Variants in PDE1C observed in about 807,000 individuals in gnomAD.
PDE1C encodes the protein phosphodiesterase 1C.
PDE1C carries 62 observed loss-of-function variants against 93.1 expected under a neutral mutation model. That is an observed-to-expected ratio of 0.67 (90% confidence interval 0.54 to 0.82). The LOEUF is 0.82. Ranked by LOEUF, PDE1C falls within the 40% of genes least tolerant of loss-of-function variation. The probability of loss-of-function intolerance (pLI) is 0.00; values close to 1 mark genes in which losing one functional copy is unlikely to be tolerated. For synonymous variants in PDE1C, 325 were observed against 310.1 expected (o/e 1.05, Z -0.50); for missense variants, 742 against 884.6 (o/e 0.84, Z 2.04).
At chr7:32,396,818 A>G (rs1434200998) in intron 1 of PDE1C, among the ~76,000 whole-genome samples, 1 of 152,214 alleles carries the variant, frequency 6.6e-6, no homozygotes, top group Non-Finnish European at 1.5e-5. Context: ...AACTGCAAAA[A>G]CAGTCCAAAG....
At chr7:32,311,309 G>A (rs215617) in intron 1 of PDE1C, among the ~76,000 whole-genome samples, 75,068 of 152,008 alleles carry the variant, frequency 0.49, 21,775 homozygotes, top group Admixed American at 0.66. Context: ...ATTCACAGCC[G>A]AATTCTACCA....
rs755614762 is a variant in PDE1C at position 31,850,761 on chromosome 7, C to A, written c.751-20G>T. On this transcript the variant is annotated intron_variant, in intron 7 of 17. Coordinates refer to ENST00000396191, the MANE Select transcript of PDE1C (RefSeq NM_001191057.4). Reference sequence around the variant, plus strand: ...CCAGTTCTGAAAGGAGATTACAGAGCAATCAGATAATCTGTTTCTTTCTCA... The same window carrying A: ...CCAGTTCTGAAAGGAGATTACAGAGAAATCAGATAATCTGTTTCTTTCTCA... 1.3e-6 allele frequency: 2 copies of A among 1,527,502 alleles called. No homozygotes were observed. Among genetic ancestry groups the A allele is most frequent in the Non-Finnish European group, 1.8e-6 (2 of 1,101,196 alleles). The allele number at this position is 1,527,502 out of a possible 1,614,324, so 94.6% of individuals were successfully genotyped here. A position where few individuals can be genotyped will look rare whatever the true frequency, so the allele number is the denominator to read the frequency against.
At chr7:32,019,491 T>C (rs1317134322) in intron 2 of PDE1C, among the ~76,000 whole-genome samples, 2 of 152,114 alleles carry the variant, frequency 1.3e-5, no homozygotes, top group South Asian at 2.1e-4. Flanking sequence ...TTGAAAACAA[T>C]GCAGAACCAT....
intron 16 of PDE1C, among the ~76,000 whole-genome samples, chr7:31,776,382 T>TGGGGTTTCTTAGTTTCCC (rs777693314): frequency 8.9e-4 from 135 of 152,304 alleles, no homozygotes; most frequent in Non-Finnish European, 1.5e-3. Context: ...GCTAGTTTAG[T>TGGGGTTTCTTAGTTTCCC]GGGGTTTCTT....
intron 3 of PDE1C, among the ~76,000 whole-genome samples, chr7:32,114,208 C>T (rs1584788744): frequency 6.6e-6 from 1 of 152,128 alleles, no homozygotes; most frequent in Non-Finnish European, 1.5e-5. Flanking sequence ...ATCATGCTAC[C>T]TGACTTCAAA....
intron 2 of PDE1C, among the ~76,000 whole-genome samples, chr7:32,049,455 T>G (rs915559665): frequency 3.0e-4 from 45 of 152,266 alleles, no homozygotes; most frequent in African/African-American, 9.9e-4. Context: ...TGATTTTTAG[T>G]TTCTGTCTAT....
intron 2 of PDE1C, among the ~76,000 whole-genome samples, chr7:32,176,416 C>A (rs192323969): frequency 2.0e-5 from 3 of 152,088 alleles, no homozygotes; most frequent in African/African-American, 7.2e-5. Flanking sequence ...AAATTACCCA[C>A]AAAGGATGAG....
At chr7:32,223,574 C>T (rs1562594963) in intron 1 of PDE1C, among the ~76,000 whole-genome samples, 1 of 152,184 alleles carries the variant, frequency 6.6e-6, no homozygotes, top group Non-Finnish European at 1.5e-5. Context: ...ACTTCTCTGA[C>T]CATCCCGTCT....
chr7:31,865,825 T>G (rs181254454), intron 6 of PDE1C, among the ~76,000 whole-genome samples: 3 of 152,322 alleles, frequency 2.0e-5, no homozygotes, highest in Admixed American at 2.0e-4. Flanking sequence ...TTCAGGCAGT[T>G]TATATTTGTT....
chr7:31,976,232 T>A (rs930949162), intron 2 of PDE1C, among the ~76,000 whole-genome samples: 2 of 152,176 alleles, frequency 1.3e-5, no homozygotes, highest in East Asian at 1.9e-4. Flanking sequence ...CTGTTTGCAA[T>A]CCAATGTGGG....
In PDE1C at chr7:32,420,215, A is replaced by G. The variant is rs371174138; in HGVS notation, c.310+7607T>C. ...TGTGTATATATATACATATATATGT[A>G]TATATACATATATATGTATATATAT... On this transcript the variant is annotated intron_variant, in intron 1 of 1. Transcript: ENST00000672256. Among the ~76,000 whole-genome samples, 16 of 35,232 alleles carry G rather than the reference A, an allele frequency of 4.5e-4. 3 individuals carry two copies. Among genetic ancestry groups the G allele is most frequent in the African/African-American group, 6.5e-4 (8 of 12,294 alleles). 23.1% of individuals were successfully genotyped at this position (35,232 alleles called of 152,430 possible). A position where few individuals can be genotyped will look rare whatever the true frequency, so the allele number is the denominator to read the frequency against.
chr7:31,660,777 C>G, the PDE1C span, among the ~76,000 whole-genome samples: 98 of 152,024 alleles, frequency 6.4e-4, no homozygotes, highest in African/African-American at 2.3e-3. Flanking sequence ...CCAATTAATA[C>G]CACATACCTA....
At chr7:31,691,797 TAA>T in the PDE1C span, among the ~76,000 whole-genome samples, 11,697 of 86,376 alleles carry the variant, frequency 0.14, 663 homozygotes, top group East Asian at 0.39. Context: ...ATGTAATGAT[TAA>T]AAAAAAAAAA....
intron 2 of PDE1C, among the ~76,000 whole-genome samples, chr7:31,895,504 T>A (rs1274527425): frequency 6.6e-6 from 1 of 152,088 alleles, no homozygotes; most frequent in East Asian, 1.9e-4. Context: ...TTTTTTTAAG[T>A]GAGTTACCTA....
chr7:31,802,688 G>T (rs566243470), intron 16 of PDE1C, among the ~76,000 whole-genome samples: 1 of 149,890 alleles, frequency 6.7e-6, no homozygotes, highest in East Asian at 2.0e-4. Context: ...GCTAGGCACA[G>T]AATTCTTTGT....
chr7:31,686,804 C>T, the PDE1C span: 4 of 152,186 alleles, frequency 2.6e-5, no homozygotes, highest in Non-Finnish European at 4.4e-5. Context: ...TTCTCTTCCT[C>T]CTCATGATAG....
At chr7:32,205,171 G>A (rs1480601397) in intron 2 of PDE1C, among the ~76,000 whole-genome samples, 2 of 152,146 alleles carry the variant, frequency 1.3e-5, no homozygotes, top group Admixed American at 6.5e-5. Flanking sequence ...CAATTAAAGG[G>A]TCCATGTCTG....
At chr7:32,013,430 T>C (rs1213247340) in intron 2 of PDE1C, among the ~76,000 whole-genome samples, 2 of 152,208 alleles carry the variant, frequency 1.3e-5, no homozygotes, top group Non-Finnish European at 2.9e-5. Flanking sequence ...AAGAATACAC[T>C]GAAGAAAGGA....
At chr7:31,966,324 A>G (rs1584237935) in intron 2 of PDE1C, among the ~76,000 whole-genome samples, 1 of 152,316 alleles carries the variant, frequency 6.6e-6, no homozygotes, top group Middle Eastern at 3.4e-3. Context: ...CTCAGATAAA[A>G]CAGACTTTAA....
Sources: gnomAD v4.1 joint callset for allele counts (sites outside exome capture counted in the v4.1 genomes callset) on GRCh38, gnomAD v4.1.1 for gene constraint, MANE v1.5 for transcripts, NCBI Gene and HGNC (gene_info 2026-07-23, HGNC 2026-07-21) for gene names.